The following AP1B1 variants were observed in gnomAD, a reference collection of about 807,000 sequenced individuals.
AP1B1 encodes adaptor related protein complex 1 subunit beta 1.
A neutral mutation model predicts 104.3 loss-of-function variants in AP1B1; 36 were observed. The ratio of observed to expected loss-of-function variants is 0.35; its 90% CI spans 0.26 to 0.46. AP1B1 has a LOEUF of 0.46. AP1B1 is among the 20% of genes least tolerant of loss of function. AP1B1 has a pLI of 1.00. For synonymous variants in AP1B1, 504 were observed against 517.5 expected, an observed-to-expected ratio of 0.97 and a Z score of 0.35; for missense variants, 901 against 1,247.9, an observed-to-expected ratio of 0.72 and a Z score of 4.19.
chr22:29,330,790 C>A, intron 19 of AP1B1, 81 bp from the exon 20 acceptor site: 2 of 1,199,008 alleles, frequency 1.7e-6, no homozygotes, highest in South Asian at 2.7e-5. Context: ...GGAAATGGGT[C>A]TGGCCTTTAC....
At chr22:29,329,555 G>T (rs951488264) in intron 22 of AP1B1, 157 bp downstream of exon 22, 3 of 1,493,036 alleles carry the variant, frequency 2.0e-6, no homozygotes, top group Non-Finnish European at 2.7e-6. Context: ...GTGGAAGTGG[G>T]GTGTCAGCAC....
chr22:29,335,292 T>C (rs2061622364), intron 16 of AP1B1, among the ~76,000 whole-genome samples: 3 of 152,030 alleles, frequency 2.0e-5, no homozygotes, highest in Admixed American at 2.0e-4. Flanking sequence ...ACAGGCCCCT[T>C]GAGGTGAAAA....
chr22:29,352,949 G>A (rs1264125378), intron 7 of AP1B1, among the ~76,000 whole-genome samples: 2 of 152,144 alleles, frequency 1.3e-5, no homozygotes, highest in African/African-American at 4.8e-5. Flanking sequence ...GGCAGGAGCT[G>A]TCACTAGCTG....
intron 21 of AP1B1, 167 bp downstream of exon 21, chr22:29,330,211 G>A: frequency 6.8e-7 from 1 of 1,469,734 alleles, no homozygotes; most frequent in South Asian, 1.3e-5. Flanking sequence ...TAACCTGACG[G>A]GGTTGATTTG....
intron 16 of AP1B1, among the ~76,000 whole-genome samples, chr22:29,338,293 C>T (rs2048303719): frequency 6.6e-6 from 1 of 152,224 alleles, no homozygotes; most frequent in Admixed American, 6.5e-5. Flanking sequence ...CCAAACCTTA[C>T]TGGGAGTCAG....
chr22:29,349,897 A>T (rs2061847802), intron 10 of AP1B1, 138 bp downstream of exon 10: 3 of 732,494 alleles, frequency 4.1e-6, no homozygotes, highest in Non-Finnish European at 7.0e-6. Flanking sequence ...GACGAAATAA[A>T]AAACAAAGGG....
At chr22:29,371,204 T>C (rs1447365395) in intron 1 of AP1B1, among the ~76,000 whole-genome samples, 2 of 152,214 alleles carry the variant, frequency 1.3e-5, no homozygotes, top group Non-Finnish European at 2.9e-5. Context: ...GTCTTGCAGT[T>C]GCCTCTTGGA....
rs148745544 is a variant in AP1B1, at chr22:29,351,777, G to A, written c.987C>T (p.Asn329=). Residue 329 remains asparagine (N), a synonymous_variant, in exon 8 of 23, where the codon AAC becomes AAT. Coordinates refer to ENST00000357586, the MANE Select transcript of AP1B1 (RefSeq NM_001127.4). ...HEMKVFFVKY[N]DPIYVKLEKL... ...TCTCCAGCTTCACGTAGATAGGGTC[G>A]TTGTACTTCACGAAGAACACCTTCA... The A allele has an allele frequency of 5.7e-4, 926 of 1,614,180 alleles. No homozygotes were observed. The highest frequency in any genetic ancestry group is 6.7e-4 in the Non-Finnish European group (787 of 1,180,022).
intron 19 of AP1B1, among the ~76,000 whole-genome samples, chr22:29,331,198 G>A (rs1042533095): frequency 6.6e-6 from 1 of 152,170 alleles, no homozygotes; most frequent in African/African-American, 2.4e-5. Flanking sequence ...AGGCTGAGGA[G>A]CGAGCAGGAG....
intron 3 of AP1B1, 107 bp downstream of exon 3, chr22:29,362,894 A>C (rs1047826327): frequency 1.2e-5 from 8 of 684,612 alleles, no homozygotes; most frequent in Middle Eastern, 2.5e-4. Flanking sequence ...GTATGAGGGG[A>C]GACATGGGTC....
In AP1B1 at chr22:29,341,828, C is replaced by T. The variant is rs114131412; in HGVS notation, c.1537-68G>A. On this transcript the variant is annotated intron_variant, in intron 12 of 22. Coordinates refer to ENST00000357586, the MANE Select transcript of AP1B1 (RefSeq NM_001127.4). ...GGTGAGAAGGGAGGAGACCTTCCTG[C>T]AGCCATGAGCCAGGTGCGGCACAGG... 1.2e-3 allele frequency: 1,846 copies of T among 1,529,206 alleles called. 22 individuals carry two copies. The African/African-American group carries it at 0.02, about 16-fold the overall frequency. 94.7% of individuals were successfully genotyped at this position (1,529,206 alleles called of 1,614,324 possible). A position where few individuals can be genotyped will look rare whatever the true frequency, so the allele number is the denominator to read the frequency against.
intron 11 of AP1B1, among the ~76,000 whole-genome samples, chr22:29,347,670 C>T (rs1372057247): frequency 6.6e-6 from 1 of 152,174 alleles, no homozygotes; most frequent in Non-Finnish European, 1.5e-5. Flanking sequence ...AACAGAAATG[C>T]AAACAGAACT....
rs2062333132 is a variant in AP1B1, at chr22:29,375,897, T to A, written c.-27-8627A>T. Among the ~76,000 whole-genome samples, 3 of 152,182 alleles carry A rather than the reference T, an allele frequency of 2.0e-5. No individual in the cohort carries two copies. In the South Asian group the frequency reaches 6.2e-4, roughly 32 times the overall value. Reference sequence around the variant, plus strand: ...ATTTCACTATGCCTACCTCTCCCCATCCTCACCACGGCCCTTCAGACATCC... The same window carrying A: ...ATTTCACTATGCCTACCTCTCCCCAACCTCACCACGGCCCTTCAGACATCC... On this transcript the variant is annotated intron_variant, in intron 1 of 22. Coordinates refer to ENST00000357586, the MANE Select transcript of AP1B1 (RefSeq NM_001127.4).
At chr22:29,329,120 C>T in intron 22 of AP1B1, 2 of 1,355,050 alleles carry the variant, frequency 1.5e-6, no homozygotes, top group Middle Eastern at 2.8e-4. Context: ...CTGCTGTCAG[C>T]CCAGTCACCA....
chr22:29,348,519 A>C lies in AP1B1; in HGVS notation c.1437+699T>G, dbSNP rs572159057. 2.0e-5 allele frequency among the ~76,000 whole-genome samples: 3 copies of C among 152,356 alleles called. No homozygotes were observed. In the South Asian group the frequency reaches 6.2e-4, roughly 32 times the overall value. ...TTACAGTATCCATGGCCATGAGTTC[A>C]ATGTCAATGAATTGACAATATATAT... On this transcript the variant is annotated intron_variant, in intron 11 of 22. Transcript: ENST00000357586.
chr22:29,342,193 G>A (rs1328662095), intron 12 of AP1B1, 92 bp downstream of exon 12: 44 of 1,032,910 alleles, frequency 4.3e-5, no homozygotes, highest in South Asian at 2.2e-4. Context: ...TCTTAGGAGC[G>A]GGCCTGGCTT....
rs764252965 is a variant in AP1B1, at chr22:29,366,753, C to T, written c.37+454G>A. 4.9e-4 allele frequency among the ~76,000 whole-genome samples: 74 copies of T among 150,924 alleles called. 1 individual carries two copies. Among genetic ancestry groups the T allele is most frequent in the Non-Finnish European group, 9.7e-4 (66 of 67,784 alleles). ...GGCGGAGGTTGCAATGAGCCAAGAT[C>T]GCACCACTGCACTCCAGCCTGGGTG... On this transcript the variant is annotated intron_variant, in intron 2 of 22. Coordinates refer to ENST00000357586, the MANE Select transcript of AP1B1 (RefSeq NM_001127.4).
chr22:29,337,421 A>C (rs1042063681), intron 16 of AP1B1, among the ~76,000 whole-genome samples: 3 of 152,184 alleles, frequency 2.0e-5, no homozygotes, highest in African/African-American at 7.2e-5. Flanking sequence ...CAGGGGCTCC[A>C]GTCACCACCA....
At chr22:29,339,649 T>C in intron 15 of AP1B1, 105 bp downstream of exon 15, 2 of 1,224,060 alleles carry the variant, frequency 1.6e-6, no homozygotes, top group Middle Eastern at 1.9e-4. Flanking sequence ...GCTCAGCAGG[T>C]GGAGGCTGCT....
Sources: gnomAD v4.1 joint callset for allele counts (sites outside exome capture counted in the v4.1 genomes callset) on GRCh38, gnomAD v4.1.1 for gene constraint, MANE v1.5 for transcripts, NCBI Gene and HGNC (gene_info 2026-07-23, HGNC 2026-07-21) for gene names.